Variants in SNX25 observed in about 807,000 individuals in gnomAD.
The protein encoded by SNX25 is sorting nexin 25.
In SNX25, 62 loss-of-function variants were observed where a neutral mutation model predicts 113.7. That is an observed-to-expected ratio of 0.55 (90% CI 0.44 to 0.67). The LOEUF (loss-of-function observed/expected upper bound fraction) is 0.67. SNX25 is among the 30% of genes least tolerant of loss of function. The pLI is 0.00. For missense variants in SNX25, 1,014 were observed against 1,161.0 expected (o/e 0.87, Z 1.84); for synonymous variants, 421 against 436.2 (o/e 0.97, Z 0.43).
chr4:185,370,903 T>C, downstream of SNX25: 1 of 1,382,204 alleles, frequency 7.2e-7, no homozygotes, highest in Non-Finnish European at 1.0e-6. Flanking sequence ...TCCTTGTGCC[T>C]GAAGTGATTT....
At chr4:185,290,465 A>G (rs546567956) in intron 6 of SNX25, among the ~76,000 whole-genome samples, 1 of 152,278 alleles carries the variant, frequency 6.6e-6, no homozygotes, top group African/African-American at 2.4e-5. Flanking sequence ...CACTGGTCTC[A>G]TTGCTTCTCT....
intron 5 of SNX25, among the ~76,000 whole-genome samples, chr4:185,275,455 A>T (rs1230761008): frequency 6.6e-6 from 1 of 152,196 alleles, no homozygotes; most frequent in Non-Finnish European, 1.5e-5. Context: ...AATGTAAAAG[A>T]TTGCAATTAA....
intron 2 of SNX25, among the ~76,000 whole-genome samples, chr4:185,252,039 A>T (rs959479405): frequency 1.3e-5 from 2 of 151,242 alleles, no homozygotes; most frequent in Non-Finnish European, 2.9e-5. Flanking sequence ...AGTGGTTTTC[A>T]GGGAAAAGCT....
intron 10 of SNX25, among the ~76,000 whole-genome samples, chr4:185,333,175 A>G (rs529912040): frequency 6.6e-6 from 1 of 152,388 alleles, no homozygotes; most frequent in Non-Finnish European, 1.5e-5. Flanking sequence ...TTTGCTAGAA[A>G]GCAGCAATTT....
chr4:185,337,821 T>C (rs1424888323), intron 10 of SNX25, among the ~76,000 whole-genome samples: 1 of 152,238 alleles, frequency 6.6e-6, no homozygotes, highest in African/African-American at 2.4e-5. Flanking sequence ...ATTCATCTTA[T>C]ATTTCTTATT....
Position 185,324,384 on chromosome 4 carries a change from C to T in SNX25, c.1749+584C>T, listed in dbSNP as rs139847350. 3.5e-3 allele frequency among the ~76,000 whole-genome samples: 540 copies of T among 152,292 alleles called. 8 individuals carry two copies. The East Asian group carries it at 0.062, about 17-fold the overall frequency. ...AGACAGGTTTATTTTGGAGAATAAA[C>T]CTGAGAGGGGCTTCTGGCCGATTTC... On this transcript the variant is annotated intron_variant, in intron 9 of 18. Transcript: ENST00000652585.
At chr4:185,261,296 C>T (rs1196189286) in intron 3 of SNX25, among the ~76,000 whole-genome samples, 1 of 152,098 alleles carries the variant, frequency 6.6e-6, no homozygotes, top group Non-Finnish European at 1.5e-5. Context: ...TGTGCCTTAG[C>T]CCCCTGAGTA....
At chr4:185,370,725 A>G, downstream of SNX25, 1 of 1,614,032 alleles carries the variant, frequency 6.2e-7, no homozygotes. Flanking sequence ...GAAGGATGCC[A>G]TTGCCATGCC....
chr4:185,285,414 T>G (rs1016610309), intron 5 of SNX25, among the ~76,000 whole-genome samples: 1 of 152,232 alleles, frequency 6.6e-6, no homozygotes, highest in Non-Finnish European at 1.5e-5. Flanking sequence ...TGACCATGAG[T>G]ATTTTCGTGC....
chr4:185,256,605 A>C (rs1488010459), intron 2 of SNX25, among the ~76,000 whole-genome samples: 36 of 141,294 alleles, frequency 2.5e-4, no homozygotes, highest in East Asian at 1.1e-3. Flanking sequence ...CCCTCCCCCC[A>C]GAGAGCTCAC....
chr4:185,318,537 G>T (rs1185901543), intron 7 of SNX25, among the ~76,000 whole-genome samples: 1 of 152,096 alleles, frequency 6.6e-6, no homozygotes, highest in Non-Finnish European at 1.5e-5. Flanking sequence ...GCTTACAGGA[G>T]ATTTTTTTAA....
At chr4:185,235,009 T>C (rs1351998902) in intron 1 of SNX25, among the ~76,000 whole-genome samples, 1 of 152,226 alleles carries the variant, frequency 6.6e-6, no homozygotes, top group Non-Finnish European at 1.5e-5. Context: ...AAGGGGATTA[T>C]GCCCCAGCAT....
At chr4:185,241,079 G>A (rs1182527402) in intron 1 of SNX25, among the ~76,000 whole-genome samples, 36 of 151,352 alleles carry the variant, frequency 2.4e-4, no homozygotes, top group South Asian at 6.3e-4. Context: ...ACGGGGTGGC[G>A]GCCGGGCAGA....
At chr4:185,286,989 C>T (rs1269917987) in intron 5 of SNX25, among the ~76,000 whole-genome samples, 1 of 152,104 alleles carries the variant, frequency 6.6e-6, no homozygotes, top group African/African-American at 2.4e-5. Flanking sequence ...GAACACTGCA[C>T]GGTTTTTGTT....
chr4:185,285,424 C>T (rs1166995965), intron 5 of SNX25, among the ~76,000 whole-genome samples: 1 of 152,154 alleles, frequency 6.6e-6, no homozygotes, highest in African/African-American at 2.4e-5. Flanking sequence ...TATTTTCGTG[C>T]GTTTCTTTGT....
At chr4:185,240,215 CT>C (rs1479391583) in intron 1 of SNX25, among the ~76,000 whole-genome samples, 1 of 152,130 alleles carries the variant, frequency 6.6e-6, no homozygotes, top group Non-Finnish European at 1.5e-5. Context: ...TTTTCCCCAC[CT>C]TTCCCCCCTT....
At chr4:185,213,255 T>C (rs1738221599) in intron 1 of SNX25, among the ~76,000 whole-genome samples, 1 of 141,074 alleles carries the variant, frequency 7.1e-6, no homozygotes, top group South Asian at 2.4e-4. Context: ...GCTTTTCCCT[T>C]CCAATTGAGC....
upstream of SNX25, among the ~76,000 whole-genome samples, chr4:185,206,392 C>T (rs193073212): frequency 6.6e-6 from 1 of 151,986 alleles, no homozygotes; most frequent in East Asian, 1.9e-4. Context: ...AGATGTATGC[C>T]GGGCATGGTG....
chr4:185,213,680 A>G (rs1012833625), intron 1 of SNX25, among the ~76,000 whole-genome samples: 1 of 152,192 alleles, frequency 6.6e-6, no homozygotes, highest in African/African-American at 2.4e-5. Context: ...TACTAGCCAC[A>G]GTTACTTGAC....
Sources: gnomAD v4.1 joint callset for allele counts (sites outside exome capture counted in the v4.1 genomes callset) on GRCh38, gnomAD v4.1.1 for gene constraint, MANE v1.5 for transcripts, NCBI Gene and HGNC (gene_info 2026-07-23, HGNC 2026-07-21) for gene names.